Variants in TMLHE observed in about 807,000 individuals in gnomAD.
TMLHE encodes the protein trimethyllysine hydroxylase, epsilon, also known as trimethyllysine dioxygenase, mitochondrial.
A neutral mutation model predicts 25.7 loss-of-function variants in TMLHE; 18 were observed. The ratio of observed to expected loss-of-function variants is 0.70; its 90% CI spans 0.48 to 1.04. The LOEUF is 1.04. TMLHE is among the 50% of genes least tolerant of loss of function. The pLI is 0.00. For synonymous variants in TMLHE, 105 were observed against 97.0 expected (o/e 1.08, Z -0.49); for missense variants, 236 against 259.0 (o/e 0.91, Z 0.61).
intron 1 of TMLHE, among the ~76,000 whole-genome samples, chrX:155,592,597 A>G (rs1163249088): frequency 8.9e-6 from 1 of 112,032 alleles, no homozygotes; most frequent in Non-Finnish European, 1.9e-5. Context: ...GAGGCAGACA[A>G]CTAGATTTCT....
intron 4 of TMLHE, 101 bp from the exon 5 acceptor site, chrX:155,511,893 A>G (rs918972568): frequency 1.4e-4 from 132 of 916,561 alleles, no homozygotes; most frequent in Non-Finnish European, 1.9e-4. Context: ...CACAAATAAC[A>G]GTAGATTTTT....
chrX:155,550,400 A>ACTTG (rs1301512220), intron 1 of TMLHE, among the ~76,000 whole-genome samples: 2 of 111,040 alleles, frequency 1.8e-5, no homozygotes, highest in Non-Finnish European at 3.8e-5. Flanking sequence ...CTATTGGTCT[A>ACTTG]CTTGCTTGCT....
intron 2 of TMLHE, among the ~76,000 whole-genome samples, chrX:155,529,007 A>G (rs1557336812): frequency 8.9e-6 from 1 of 112,225 alleles, no homozygotes; most frequent in East Asian, 2.8e-4. Flanking sequence ...ACTGTGGTTT[A>G]TCCACATTTT....
At chrX:155,545,460 T>C (rs2067338689) in intron 1 of TMLHE, among the ~76,000 whole-genome samples, 183 bp from the exon 2 acceptor site, 1 of 112,357 alleles carries the variant, frequency 8.9e-6, no homozygotes, top group Admixed American at 9.4e-5. Context: ...ACTTACATTT[T>C]CTCATTAGCC....
At chrX:155,511,976 T>C (rs1221111868) in intron 4 of TMLHE, among the ~76,000 whole-genome samples, 184 bp from the exon 5 acceptor site, 1 of 111,328 alleles carries the variant, frequency 9.0e-6, no homozygotes, top group Non-Finnish European at 1.9e-5. Context: ...CTGTCACTTA[T>C]TAACATTCTA....
At chrX:155,506,629 ACT>A (rs1271488593) in intron 6 of TMLHE, among the ~76,000 whole-genome samples, 2 of 111,059 alleles carry the variant, frequency 1.8e-5, no homozygotes, top group Non-Finnish European at 3.8e-5. Flanking sequence ...TAATTTAATA[ACT>A]CTTTTTCATT....
intron 1 of TMLHE, among the ~76,000 whole-genome samples, chrX:155,545,734 C>T (rs1459442522): frequency 8.1e-5 from 9 of 111,347 alleles, no homozygotes; most frequent in Non-Finnish European, 1.1e-4. Flanking sequence ...AAATGCTCAG[C>T]GTTATGTTAC....
chrX:155,577,350 G>A (rs782189972), intron 1 of TMLHE, among the ~76,000 whole-genome samples: 4 of 111,336 alleles, frequency 3.6e-5, no homozygotes, highest in African/African-American at 6.5e-5. Flanking sequence ...GGCCAAGGCG[G>A]GTGGATTGCC....
At chrX:155,512,392 C>T (rs974912333) in intron 4 of TMLHE, among the ~76,000 whole-genome samples, 4 of 95,025 alleles carry the variant, frequency 4.2e-5, no homozygotes, top group Non-Finnish European at 8.1e-5. Context: ...TTGTTCAATT[C>T]CCACCTATGA....
At chrX:155,547,166 A>C (rs1263134176) in intron 1 of TMLHE, among the ~76,000 whole-genome samples, 9 of 104,007 alleles carry the variant, frequency 8.7e-5, no homozygotes, top group Non-Finnish European at 1.8e-4. Context: ...TTTTTTTGAG[A>C]CGGAGTCTTG....
chrX:155,595,658 A>T (rs782135218), intron 1 of TMLHE, among the ~76,000 whole-genome samples: 4 of 112,523 alleles, frequency 3.6e-5, no homozygotes, highest in Non-Finnish European at 5.6e-5. Context: ...AGCAGGCACA[A>T]AAACCTTGTA....
rs1557337329 is a variant in TMLHE, at chrX:155,533,822, T to A, written c.182-9190A>T. 5.4e-5 allele frequency among the ~76,000 whole-genome samples: 6 copies of A among 111,196 alleles called. No homozygotes were observed. The Admixed American group carries it at 5.7e-4, about 11-fold the overall frequency. On this transcript the variant is annotated intron_variant, in intron 2 of 7. Transcript: ENST00000334398. ...AGTGGCAAAAAACTTAGCTGCAAAG[T>A]GATGAGAGAGCAGTTGGTTCCTTCT...
intron 1 of TMLHE, among the ~76,000 whole-genome samples, chrX:155,548,540 CCTGA>C (rs1231300572): frequency 3.7e-5 from 4 of 107,878 alleles, no homozygotes; most frequent in Admixed American, 9.7e-5. Context: ...ATGAGGCCAG[CCTGA>C]CTAACATGGT....
rs369390022 is a variant in TMLHE, at chrX:155,571,786, C to G, written c.-1-26509G>C. 2.8e-3 allele frequency among the ~76,000 whole-genome samples: 139 copies of G among 50,308 alleles called. 13 individuals carry two copies. The highest frequency in any genetic ancestry group is 6.3e-3 in the African/African-American group (132 of 20,896). The allele number at this position is 50,308 out of a possible 115,157, so 43.7% of individuals were successfully genotyped here. On this transcript the variant is annotated intron_variant, in intron 1 of 7. Coordinates refer to ENST00000334398, the MANE Select transcript of TMLHE (RefSeq NM_018196.4). ...AAGGCCTTTGACAAAATTCAACAAC[C>G]CTTCAGGCTAAAAACTCTCAATAAA...
chrX:155,605,945 G>T (rs1390069224), intron 1 of TMLHE, among the ~76,000 whole-genome samples: 1 of 111,060 alleles, frequency 9.0e-6, no homozygotes, highest in Non-Finnish European at 1.9e-5. Flanking sequence ...AAAAAGCAGG[G>T]ATTACTATTT....
At chrX:155,561,684 G>A (rs1285240265) in intron 1 of TMLHE, among the ~76,000 whole-genome samples, 2 of 62,296 alleles carry the variant, frequency 3.2e-5, no homozygotes, top group African/African-American at 7.1e-5. Context: ...GATACAATGG[G>A]GGTACAAGCA....
Position 155,511,766 on chromosome X carries a change from TACC to T in TMLHE, c.662_664del (p.Trp221del). On this transcript the variant is annotated inframe_deletion, in exon 5 of 8. Coordinates refer to ENST00000334398, the MANE Select transcript of TMLHE (RefSeq NM_018196.4). The stretch of plus-strand genomic sequence containing the variant: ...ACCTCTGGAGAAGTCTGAAGTGAAA[TACC>T]ACATCCTCCCATAAATGGTTTCTCT... 8.4e-7 allele frequency: 1 copy of T among 1,188,596 alleles called. No homozygotes were observed. The highest frequency in any genetic ancestry group is 1.1e-6 in the Non-Finnish European group (1 of 879,935).
chrX:155,599,549 A>G (rs189234839), intron 1 of TMLHE, among the ~76,000 whole-genome samples: 274 of 112,393 alleles, frequency 2.4e-3, no homozygotes, highest in African/African-American at 8.1e-3. Context: ...AAAAATAGAT[A>G]ATATATCCAT....
At chrX:155,548,704 C>T (rs942736587) in intron 1 of TMLHE, among the ~76,000 whole-genome samples, 28 of 106,452 alleles carry the variant, frequency 2.6e-4, no homozygotes, top group African/African-American at 9.2e-4. Context: ...CACTGCACTC[C>T]AGCCTGGGCG....
Sources: allele counts gnomAD v4.1 joint callset (sites outside exome capture counted in the v4.1 genomes callset), GRCh38; gene constraint gnomAD v4.1.1; transcripts MANE v1.5; gene names NCBI Gene and HGNC (gene_info 2026-07-23, HGNC 2026-07-21).